Variants in CYB5R2 observed in about 807,000 individuals in gnomAD.
CYB5R2 encodes cytochrome b5 reductase 2, also known as NADH-cytochrome b5 reductase 2.
CYB5R2 carries 35 observed loss-of-function variants against 29.8 expected under a neutral mutation model. That is an observed-to-expected ratio of 1.17 (90% CI 0.90 to 1.56). The LOEUF (loss-of-function observed/expected upper bound fraction) is 1.56. CYB5R2 is among the 40% of genes most tolerant of loss of function. The pLI is 0.00. For synonymous variants in CYB5R2, 169 were observed against 130.6 expected, an observed-to-expected ratio of 1.29 and a Z score of -2.01; for missense variants, 419 against 346.7, an observed-to-expected ratio of 1.21 and a Z score of -1.66.
At chr11:7,671,786 C>T (rs1218409803) in intron 3 of CYB5R2, 2 of 152,294 alleles carry the variant, frequency 1.3e-5, no homozygotes, top group African/African-American at 4.8e-5. Flanking sequence ...TTCTACTGCA[C>T]TAAGACTGAC....
At chr11:7,673,225 G>T (rs1241974168) in intron 1 of CYB5R2, 194 bp downstream of exon 1, 4 of 448,282 alleles carry the variant, frequency 8.9e-6, no homozygotes, top group Non-Finnish European at 1.4e-5. Context: ...GAGGTGAAGG[G>T]GGAGGACATC....
At chr11:7,668,726 T>C (rs1007156493) in intron 5 of CYB5R2, 165 bp from the exon 6 acceptor site, 4 of 667,764 alleles carry the variant, frequency 6.0e-6, no homozygotes, top group African/African-American at 5.3e-5. Flanking sequence ...CAGCTAGCCC[T>C]GGTGCTCCAG....
chr11:7,673,141 T>G, intron 1 of CYB5R2: 1 of 417,890 alleles, frequency 2.4e-6, no homozygotes, highest in Non-Finnish European at 4.4e-6. Flanking sequence ...GCAGCACACA[T>G]GGCCTGGGGT....
chr11:7,666,234 G>C (rs75431317), intron 8 of CYB5R2: 1 of 593,960 alleles, frequency 1.7e-6, no homozygotes, highest in Non-Finnish European at 3.0e-6. Flanking sequence ...TGCTGCTGAT[G>C]TATTAGACAC....
In CYB5R2 at chr11:7,672,472, G is replaced by A. The variant is rs1855808659; in HGVS notation, c.130C>T (p.His44Tyr). ...RFRFGLPSPDHVLGLPVGNYV... is the reference protein window; with the variant it reads ...RFRFGLPSPDYVLGLPVGNYV... ...TCACCTACAGGAAGCCCTAAGACAT[G>A]GTCCGGCGAAGGCAGTCCAAAGCGG... Residue 44 changes from histidine to tyrosine, a missense_variant, in exon 3 of 9, where the codon CAT (histidine) becomes TAT (tyrosine). Transcript: ENST00000299498. 3.1e-6 allele frequency: 5 copies of A among 1,614,058 alleles called. No homozygotes were observed. The highest frequency in any genetic ancestry group is 4.2e-6 in the Non-Finnish European group (5 of 1,180,028).
chr11:7,672,058 AG>A (rs1565156794), intron 3 of CYB5R2: 3 of 183,830 alleles, frequency 1.6e-5, no homozygotes, highest in African/African-American at 7.0e-5. Context: ...CATATCCATC[AG>A]TCACTCTACT....
intron 8 of CYB5R2, chr11:7,665,870 G>C (rs1229458378): frequency 2.0e-6 from 3 of 1,535,986 alleles, no homozygotes; most frequent in Non-Finnish European, 2.6e-6. Context: ...TGTCCGGCAG[G>C]GTGTGGCCTG....
In CYB5R2 at chr11:7,665,461, C is replaced by T. The variant is rs144941205; in HGVS notation, c.744G>A (p.Val248=). Residue 248 remains valine, a synonymous_variant, in exon 9 of 9, where the codon GTG becomes GTA. Transcript: ENST00000299498. ...PPPAKSTLIL[V]CGPPPLIQTA... ...TCTGGATTAGTGGTGGCGGGCCACA[C>T]ACCAGGATGAGCGTGGACTTCGCTG... The T allele has an allele frequency of 2.7e-4, 441 of 1,613,930 alleles. No homozygotes were observed. The highest frequency in any genetic ancestry group is 3.6e-4 in the Non-Finnish European group (424 of 1,179,932).
intron 7 of CYB5R2, 169 bp downstream of exon 7, chr11:7,667,559 G>A: frequency 1.5e-6 from 1 of 654,330 alleles, no homozygotes; most frequent in South Asian, 1.8e-5. Flanking sequence ...CAAAAAGCAG[G>A]CCTGGACTCA....
At chr11:7,667,921 C>A in intron 6 of CYB5R2, 108 bp from the exon 7 acceptor site, 1 of 889,506 alleles carries the variant, frequency 1.1e-6, no homozygotes, top group African/African-American at 1.7e-5. Context: ...ATCCTTTTCT[C>A]ACTTCTGTCC....
Position 7,665,264 on chromosome 11 carries a change from A to AGGT in CYB5R2, c.*107_*109dup. ...AAGAGGAGAACCAGTGTGTGCGCGA[A>AGGT]GGTACATGGCAAGGCACTTTTGAAA... On this transcript the variant is annotated 3_prime_UTR_variant, in exon 9 of 9. Transcript: ENST00000299498. 1 of 948,624 alleles carries AGGT rather than the reference A, an allele frequency of 1.1e-6. No individual in the cohort carries two copies. The highest frequency in any genetic ancestry group is 1.8e-5 in the South Asian group (1 of 54,578). 58.8% of individuals were successfully genotyped at this position (948,624 alleles called of 1,614,324 possible).
intron 1 of CYB5R2, chr11:7,673,190 T>A: frequency 2.6e-6 from 1 of 391,718 alleles, no homozygotes; most frequent in South Asian, 2.9e-5. Context: ...CAGCCAAAGG[T>A]TCATACACTG....
At chr11:7,673,188 G>T (rs4300385) in intron 1 of CYB5R2, 4 of 405,390 alleles carry the variant, frequency 9.9e-6, no homozygotes, top group African/African-American at 4.1e-5. Context: ...TACAGCCAAA[G>T]GTTCATACAC....
intron 8 of CYB5R2, chr11:7,666,172 G>T: frequency 1.7e-6 from 1 of 599,164 alleles, no homozygotes; most frequent in Non-Finnish European, 3.0e-6. Context: ...ATGGGTGGGT[G>T]TTCACAGTGG....
chr11:7,673,862 G>A (rs1444976154), upstream of CYB5R2: 7 of 991,360 alleles, frequency 7.1e-6, no homozygotes, highest in Non-Finnish European at 8.4e-6. Context: ...ACGCCCGGGA[G>A]GACAAAAGCG....
chr11:7,668,491 A>G lies in CYB5R2; in HGVS notation c.459T>C (p.Ile153=), dbSNP rs61733058. The change falls in exon 6 of 9, where the codon ATT becomes ATC. Residue 153 remains isoleucine, a synonymous_variant. Transcript: ENST00000299498. ...KKTLADHLGM[I]AGGTGITPML... ...GAAGCCTCTTACCTGTGCCCCCAGC[A>G]ATCATTCCCAGGTGATCGGCCAGTG... 1.9e-6 allele frequency: 3 copies of G among 1,613,804 alleles called. No homozygotes were observed. In the African/African-American group the frequency reaches 4.0e-5, roughly 22 times the overall value.
chr11:7,667,821 A>C lies in CYB5R2; in HGVS notation c.473-8T>G. 1 of 1,613,356 alleles carries C rather than the reference A, an allele frequency of 6.2e-7. No individual in the cohort carries two copies. The highest frequency in any genetic ancestry group is 8.5e-7 in the Non-Finnish European group (1 of 1,179,250). On this transcript the variant is annotated splice_region_variant and splice_polypyrimidine_tract_variant and intron_variant, in intron 6 of 8. Coordinates refer to ENST00000299498, the MANE Select transcript of CYB5R2 (RefSeq NM_016229.5). ...GCAACATGGGTGTGATGCCTGGAAC[A>C]CAGTGAGCGAGCAGCCAGCTTTCTC...
In CYB5R2 at chr11:7,665,540, T is replaced by C. The variant is rs1855072897; in HGVS notation, c.665A>G (p.Lys222Arg). ...GGCAGTAACGAAGCCTGAGCTGTAC[T>C]TCCAGCCTGAAATGAAGGAGATGCA... ...YTLDRPPIGWKYSSGFVTADM... is the reference protein window; with the variant it reads ...YTLDRPPIGWRYSSGFVTADM... Residue 222 changes from lysine (K) to arginine (R), a missense_variant, in exon 9 of 9, where the codon AAG (lysine) becomes AGG (arginine). Lys to Arg is a conservative substitution (Grantham distance 26). Transcript: ENST00000299498. The C allele has an allele frequency of 6.2e-7, 1 of 1,601,880 alleles. No individual in the cohort carries two copies.
In CYB5R2 at chr11:7,669,064, G is replaced by C. The variant is rs767861170; in HGVS notation, c.388+141C>G. 2.4e-5 allele frequency: 25 copies of C among 1,043,020 alleles called. No individual in the cohort carries two copies. The South Asian group carries it at 2.4e-4, about 10-fold the overall frequency. The allele number at this position is 1,043,020 out of a possible 1,614,324, so 64.6% of individuals were successfully genotyped here. On this transcript the variant is annotated intron_variant, in intron 5 of 8. Coordinates refer to ENST00000299498, the MANE Select transcript of CYB5R2 (RefSeq NM_016229.5). ...GGGTGTGTGAATGTGTAACAAGTGTGATCATTATGCATTGTGTGTGAATGA... is the reference window on the plus strand; with the variant it reads ...GGGTGTGTGAATGTGTAACAAGTGTCATCATTATGCATTGTGTGTGAATGA...
Sources: gnomAD v4.1 joint callset for allele counts on GRCh38, gnomAD v4.1.1 for gene constraint, MANE v1.5 for transcripts, NCBI Gene and HGNC (gene_info 2026-07-23, HGNC 2026-07-21) for gene names.